TOPAZ1: variants seen among roughly 807,000 people sequenced by gnomAD.
The protein encoded by TOPAZ1 is testis and ovary specific TOPAZ 1.
TOPAZ1 carries 66 observed loss-of-function variants against 172.2 expected under a neutral mutation model. That is an observed-to-expected ratio of 0.38 (90% confidence interval 0.31 to 0.47). The LOEUF (loss-of-function observed/expected upper bound fraction) is 0.47. TOPAZ1 is among the 20% of genes least tolerant of loss of function. The pLI, the probability that TOPAZ1 is intolerant of heterozygous loss-of-function variation, is 0.99. For missense variants in TOPAZ1, 1,822 were observed against 1,972.4 expected (o/e 0.92, Z 1.44); for synonymous variants, 681 against 683.9 (o/e 1.00, Z 0.07).
In TOPAZ1 at chr3:44,270,627, T is replaced by G. The variant is rs991604536; in HGVS notation, c.3247-58T>G. 6.8e-6 allele frequency: 9 copies of G among 1,325,794 alleles called. 1 individual carries two copies. The highest frequency in any genetic ancestry group is 8.9e-6 in the Non-Finnish European group (9 of 1,006,902). 82.1% of individuals were successfully genotyped at this position (1,325,794 alleles called of 1,614,324 possible). ...TGTGTTGCTTCAAATGCTGTCTTGC[T>G]TAACTATAGTAAGTGCTTTACAGTT... is the stretch of plus-strand genomic sequence containing the variant. On this transcript the variant is annotated intron_variant, in intron 7 of 19. Transcript: ENST00000309765.
intron 2 of TOPAZ1, among the ~76,000 whole-genome samples, chr3:44,252,341 C>G (rs1699643814): frequency 6.6e-6 from 1 of 152,162 alleles, no homozygotes; most frequent in Non-Finnish European, 1.5e-5. Context: ...TTGTAATGAG[C>G]TCCTGCTTAA....
At chr3:44,253,298 A>G (rs886348597) in intron 2 of TOPAZ1, among the ~76,000 whole-genome samples, 2 of 152,212 alleles carry the variant, frequency 1.3e-5, no homozygotes, top group Non-Finnish European at 2.9e-5. Context: ...AGACTTTTAA[A>G]TAAGAGAGAT....
At position 44,287,495 on chromosome 3, in the gene TOPAZ1, A is replaced by G; in HGVS notation, c.3543A>G (p.Lys1181=). 4 of 1,529,072 alleles carry G rather than the reference A, an allele frequency of 2.6e-6. No homozygotes were observed. The highest frequency in any genetic ancestry group is 1.4e-5 in the African/African-American group (1 of 72,478). 94.7% of individuals were successfully genotyped at this position (1,529,072 alleles called of 1,614,324 possible). The change falls in exon 10 of 20, where the codon AAA becomes AAG. Residue 1181 remains lysine, a synonymous_variant. Coordinates refer to ENST00000309765, the MANE Select transcript of TOPAZ1 (RefSeq NM_001145030.2). ...LNSLLKHCLL[K]EVFQIVNLSI... is the part of the protein sequence containing the mutation. ...CTTTACTCAAACATTGTTTGTTGAA[A>G]GAAGTATTTCAGATAGTGAACCTCA...
At chr3:44,293,708 A>G (rs1168553299) in intron 12 of TOPAZ1, among the ~76,000 whole-genome samples, 1 of 152,210 alleles carries the variant, frequency 6.6e-6, no homozygotes, top group Non-Finnish European at 1.5e-5. Context: ...TTGAAGAAAG[A>G]GAAACTTTTT....
chr3:44,313,473 C>T (rs1019317812), intron 16 of TOPAZ1, among the ~76,000 whole-genome samples: 1 of 151,608 alleles, frequency 6.6e-6, no homozygotes. Flanking sequence ...AAAAATTAGC[C>T]GGGCATGGTG....
intron 16 of TOPAZ1, among the ~76,000 whole-genome samples, chr3:44,310,222 G>A (rs551899198): frequency 3.3e-5 from 5 of 152,300 alleles, no homozygotes; most frequent in Middle Eastern, 3.4e-3. Flanking sequence ...TTGTTGGGCC[G>A]GGTGTGGTGA....
chr3:44,282,178 T>C, intron 9 of TOPAZ1, 147 bp downstream of exon 9: 1 of 569,788 alleles, frequency 1.8e-6, no homozygotes, highest in Non-Finnish European at 3.1e-6. Flanking sequence ...TGAAAATAAA[T>C]GAGATATTTT....
intron 15 of TOPAZ1, among the ~76,000 whole-genome samples, chr3:44,307,167 C>T (rs1402891830): frequency 6.6e-6 from 1 of 151,990 alleles, no homozygotes; most frequent in African/African-American, 2.4e-5. Flanking sequence ...GGATTACAGG[C>T]ATGTATCACC....
intron 14 of TOPAZ1, among the ~76,000 whole-genome samples, chr3:44,306,039 C>G (rs1700333246): frequency 6.6e-6 from 1 of 152,214 alleles, no homozygotes; most frequent in Non-Finnish European, 1.5e-5. Flanking sequence ...CTCTTTACTA[C>G]TGTAGCCTTT....
chr3:44,273,582 T>C (rs1215544816), intron 8 of TOPAZ1, among the ~76,000 whole-genome samples: 14 of 152,210 alleles, frequency 9.2e-5, no homozygotes, highest in Non-Finnish European at 1.5e-5. Flanking sequence ...TACAATCACT[T>C]GTCAGTGTAT....
At chr3:44,297,000 C>T (rs1323450039) in intron 12 of TOPAZ1, among the ~76,000 whole-genome samples, 21 of 151,152 alleles carry the variant, frequency 1.4e-4, no homozygotes, top group Non-Finnish European at 2.8e-4. Context: ...GGTGAAACCC[C>T]GTCTCTACTA....
intron 4 of TOPAZ1, among the ~76,000 whole-genome samples, chr3:44,256,598 G>C (rs531894188): frequency 4.6e-5 from 7 of 152,160 alleles, no homozygotes; most frequent in Admixed American, 3.9e-4. Context: ...AAAACACTAA[G>C]TACTGAAAAT....
intron 4 of TOPAZ1, among the ~76,000 whole-genome samples, chr3:44,260,344 T>C (rs1489001629): frequency 6.6e-6 from 1 of 152,220 alleles, no homozygotes; most frequent in Non-Finnish European, 1.5e-5. Context: ...CTATACCTTT[T>C]CCTGGATTTC....
chr3:44,285,343 A>G (rs1029064820), intron 9 of TOPAZ1, among the ~76,000 whole-genome samples: 2 of 151,934 alleles, frequency 1.3e-5, no homozygotes, highest in South Asian at 2.1e-4. Flanking sequence ...GAGCACACCT[A>G]TAGTCCCAAC....
chr3:44,284,591 T>C (rs1300224509), intron 9 of TOPAZ1, among the ~76,000 whole-genome samples: 1 of 152,198 alleles, frequency 6.6e-6, no homozygotes, highest in African/African-American at 2.4e-5. Flanking sequence ...GACATACAAG[T>C]ATCTACTTGA....
intron 8 of TOPAZ1, among the ~76,000 whole-genome samples, chr3:44,278,994 A>G (rs908368035): frequency 6.6e-6 from 1 of 151,922 alleles, no homozygotes; most frequent in East Asian, 1.9e-4. Flanking sequence ...CTTTTAGAAT[A>G]GTTGTTGCTA....
intron 12 of TOPAZ1, among the ~76,000 whole-genome samples, chr3:44,297,988 A>G (rs1413341995): frequency 2.6e-5 from 4 of 152,244 alleles, no homozygotes; most frequent in Non-Finnish European, 4.4e-5. Flanking sequence ...TTAAATAAAT[A>G]GAGATACTAC....
chr3:44,253,044 A>C (rs756736004), intron 2 of TOPAZ1, among the ~76,000 whole-genome samples: 1 of 152,200 alleles, frequency 6.6e-6, no homozygotes, highest in East Asian at 1.9e-4. Flanking sequence ...ACACCAAAAT[A>C]ATGTCTCATG....
chr3:44,334,281 C>T (rs987456121), downstream of TOPAZ1, among the ~76,000 whole-genome samples: 1 of 152,106 alleles, frequency 6.6e-6, no homozygotes, highest in Non-Finnish European at 1.5e-5. Flanking sequence ...CTTTCGAATC[C>T]CCCATGCTCC....
Sources: allele counts gnomAD v4.1 joint callset (sites outside exome capture counted in the v4.1 genomes callset), GRCh38; gene constraint gnomAD v4.1.1; transcripts MANE v1.5; gene names NCBI Gene and HGNC (gene_info 2026-07-23, HGNC 2026-07-21).